The following ARID3C variants were observed in gnomAD, a reference collection of about 807,000 sequenced individuals.
The protein encoded by ARID3C is AT-rich interactive domain-containing protein 3C.
A neutral mutation model predicts 37.9 loss-of-function variants in ARID3C; 42 were observed. That is an observed-to-expected ratio of 1.11 (90% CI 0.87 to 1.43). ARID3C has a LOEUF of 1.43. ARID3C is among the 40% of genes most tolerant of loss of function. ARID3C has a pLI of 0.00. For synonymous variants in ARID3C, 213 were observed against 228.0 expected, an observed-to-expected ratio of 0.93 and a Z score of 0.59; for missense variants, 581 against 548.8, an observed-to-expected ratio of 1.06 and a Z score of -0.59.
chr9:34,622,009 A>G lies in ARID3C; in HGVS notation c.1138+11T>C. On this transcript the variant is annotated intron_variant, in intron 6 of 6. Coordinates refer to ENST00000378909, the Ensembl canonical transcript of ARID3C. ...CCCCATGCCAGTGTAGACAGCCTGC[A>G]GTACCCATACCAGTGTAGACCACCC... 1.9e-6 allele frequency: 3 copies of G among 1,613,590 alleles called. No individual in the cohort carries two copies. The highest frequency in any genetic ancestry group is 2.5e-6 in the Non-Finnish European group (3 of 1,179,520).
At position 34,628,028 on chromosome 9, in the gene ARID3C, C is replaced by T. The variant is rs945737272; in HGVS notation, c.-14G>A. The T allele has an allele frequency of 2.8e-5, 41 of 1,465,480 alleles. No individual in the cohort carries two copies. Among genetic ancestry groups the T allele is most frequent in the African/African-American group, 7.1e-5 (5 of 70,128 alleles). The allele number at this position is 1,465,480 out of a possible 1,614,324, so 90.8% of individuals were successfully genotyped here. On this transcript the variant is annotated 5_prime_UTR_variant, in exon 1 of 7. Coordinates refer to ENST00000378909, the Ensembl canonical transcript of ARID3C. This position sits in a 1 kb window ranked among gnomAD's most constrained non-coding sequence, Gnocchi z 5.2. ...CAGGGCCTCCATGACAGCTTCCAGG[C>T]GCAGTCCCCCAGCTGAGGGGGTCCC...
At chr9:34,625,851 A>T in intron 1 of ARID3C, 37 bp from the exon 3 acceptor site, 6 of 1,604,134 alleles carry the variant, frequency 3.7e-6, no homozygotes, top group Non-Finnish European at 5.1e-6. Flanking sequence ...AGCTCTGCTG[A>T]CTCCCCCTCC....
At chr9:34,630,240 C>T (rs551325981), upstream of ARID3C, among the ~76,000 whole-genome samples, 11 of 152,304 alleles carry the variant, frequency 7.2e-5, no homozygotes, top group South Asian at 1.9e-3. Flanking sequence ...CTGCTTTGCG[C>T]CCTCCCCCTA....
chr9:34,622,679 C>G, intron 4 of ARID3C, 150 bp from the exon 6 acceptor site: 5 of 806,204 alleles, frequency 6.2e-6, no homozygotes, highest in Non-Finnish European at 9.2e-6. Context: ...AGAGCCTCAG[C>G]CTGGAAGCGC....
At chr9:34,629,136 G>T (rs1329238832), upstream of ARID3C, among the ~76,000 whole-genome samples, 1 of 152,166 alleles carries the variant, frequency 6.6e-6, no homozygotes, top group African/African-American at 2.4e-5. Flanking sequence ...AGAGGCCCCT[G>T]TGGGATCTGC....
At chr9:34,623,965 G>A (rs753149236) in exon 3 of ARID3C, 2 of 1,604,982 alleles carry the variant, frequency 1.2e-6, no homozygotes, top group African/African-American at 2.7e-5. Flanking sequence ...CCACCAGGCC[G>A]CCCTTGGCGG....
exon 3 of ARID3C, chr9:34,623,911 G>T: frequency 6.2e-7 from 1 of 1,601,424 alleles, no homozygotes. Flanking sequence ...TGGGTAGGCT[G>T]AGGCCGCGCG....
At chr9:34,622,130 G>A in intron 5 of ARID3C, 21 bp from the exon 7 acceptor site, 2 of 1,613,068 alleles carry the variant, frequency 1.2e-6, no homozygotes, top group Non-Finnish European at 1.7e-6. Context: ...GGGGGCAGAG[G>A]AATCACATTT....
intron 5 of ARID3C, 82 bp downstream of exon 6, chr9:34,622,265 G>T: frequency 6.4e-7 from 1 of 1,568,794 alleles, no homozygotes; most frequent in South Asian, 1.2e-5. Flanking sequence ...TGTCTGCCCC[G>T]TCTCTAACAC....
At chr9:34,629,664 A>C (rs1820705252), upstream of ARID3C, among the ~76,000 whole-genome samples, 2 of 151,954 alleles carry the variant, frequency 1.3e-5, no homozygotes, top group African/African-American at 4.8e-5. Flanking sequence ...CTGACTGCAC[A>C]CTCACCGCAT....
rs1215274916 is a variant in ARID3C, at chr9:34,624,159, T to C, written c.392-112A>G. The C allele has an allele frequency of 2.3e-6, 3 of 1,286,944 alleles. No homozygotes were observed. In the African/African-American group the frequency reaches 4.5e-5, roughly 19 times the overall value. The allele number at this position is 1,286,944 out of a possible 1,614,324, so 79.7% of individuals were successfully genotyped here. On this transcript the variant is annotated intron_variant, in intron 2 of 6. Transcript: ENST00000378909. ...GGGGAGGGCGGGAAAGAGGGAGACT[T>C]GGGCGGAGCCCACAGAACCCCAGGG...
chr9:34,625,695 G>A (rs1463655745), intron 2 of ARID3C, 47 bp downstream of exon 3: 1 of 1,609,724 alleles, frequency 6.2e-7, no homozygotes, highest in Admixed American at 1.7e-5. Context: ...CCTCAAACCT[G>A]GTAAGGGGGC....
At chr9:34,631,409 A>C (rs1820722143), upstream of ARID3C, among the ~76,000 whole-genome samples, 1 of 152,312 alleles carries the variant, frequency 6.6e-6, no homozygotes, top group South Asian at 2.1e-4. Flanking sequence ...TGTGAAAAGG[A>C]AAGGCTGCCT....
chr9:34,632,506 G>A (rs1197549302), upstream of ARID3C, among the ~76,000 whole-genome samples: 2 of 152,148 alleles, frequency 1.3e-5, no homozygotes, highest in Non-Finnish European at 2.9e-5. Flanking sequence ...TGGCTGCTGC[G>A]TGGAGAACCC....
At chr9:34,624,269 CA>C (rs1253682682) in intron 2 of ARID3C, among the ~76,000 whole-genome samples, 1 of 152,202 alleles carries the variant, frequency 6.6e-6, no homozygotes, top group Non-Finnish European at 1.5e-5. Context: ...TGGTCTCTGT[CA>C]CAACTACTCA....
chr9:34,622,324 C>T lies in ARID3C; in HGVS notation c.1048+23G>A, dbSNP rs746731787. The T allele has an allele frequency of 7.6e-6, 12 of 1,589,224 alleles. No individual in the cohort carries two copies. In the South Asian group the frequency reaches 8.1e-5, roughly 11 times the overall value. On this transcript the variant is annotated intron_variant, in intron 5 of 6. Transcript: ENST00000378909. ...CCCTCAGTGTACAGTCCCGAAGCCCCCTCACAACAAGCCCCTCCTCACCCC... is the reference window on the plus strand; with the variant it reads ...CCCTCAGTGTACAGTCCCGAAGCCCTCTCACAACAAGCCCCTCCTCACCCC...
At chr9:34,623,765 T>G in intron 3 of ARID3C, 51 bp from the exon 5 acceptor site, 2 of 1,501,940 alleles carry the variant, frequency 1.3e-6, no homozygotes, top group South Asian at 2.5e-5. Flanking sequence ...ACCCAGCTGG[T>G]CAAGTCCCAC....
At chr9:34,625,658 C>A in intron 2 of ARID3C, 84 bp downstream of exon 3, 1 of 1,502,666 alleles carries the variant, frequency 6.7e-7, no homozygotes, top group Non-Finnish European at 9.2e-7. Context: ...AAGCTCAGGC[C>A]TCAGCAGGGA....
chr9:34,622,553 C>T, intron 4 of ARID3C, 24 bp from the exon 6 acceptor site: 1 of 1,560,250 alleles, frequency 6.4e-7, no homozygotes, highest in Non-Finnish European at 8.7e-7. Flanking sequence ...TTATTCAGCT[C>T]CCCTGGCCAA....
Sources: gnomAD v4.1 joint callset for allele counts (sites outside exome capture counted in the v4.1 genomes callset) on GRCh38, gnomAD v4.1.1 for gene constraint, Gnocchi (gnomAD v3.1) non-coding constraint, MANE v1.5 for transcripts, NCBI Gene and HGNC (gene_info 2026-07-23, HGNC 2026-07-21) for gene names.